Variants in KIF3A observed in about 807,000 individuals in gnomAD.
The protein encoded by KIF3A is kinesin-like protein KIF3A.
In KIF3A, 27 loss-of-function variants were observed where a neutral mutation model predicts 92.6. The ratio of observed to expected loss-of-function variants is 0.29; its 90% CI spans 0.21 to 0.40. The LOEUF is 0.40. Among genes scored for constraint, KIF3A ranks in the 10% least tolerant of loss-of-function variants. The pLI is 1.00. For synonymous variants in KIF3A, 250 were observed against 275.4 expected, an observed-to-expected ratio of 0.91 and a Z score of 0.92; for missense variants, 581 against 872.6, an observed-to-expected ratio of 0.67 and a Z score of 4.21.
intron 18 of KIF3A, chr5:132,698,088 C>T (rs1187907017): frequency 6.6e-6 from 1 of 152,162 alleles, no homozygotes; most frequent in Non-Finnish European, 1.5e-5. Flanking sequence ...TAATATTCAA[C>T]TGTTTGCCCA....
chr5:132,704,281 T>A (rs1033149987), intron 11 of KIF3A, among the ~76,000 whole-genome samples: 33 of 152,064 alleles, frequency 2.2e-4, no homozygotes, highest in African/African-American at 7.9e-4. Flanking sequence ...CATTTCACAG[T>A]TGCTGAGCTG....
At position 132,720,716 on chromosome 5, in the gene KIF3A, T is replaced by A; in HGVS notation, c.511-2A>T. The A allele has an allele frequency of 6.5e-7, 1 of 1,527,296 alleles. No homozygotes were observed. Among genetic ancestry groups the A allele is most frequent in the Non-Finnish European group, 9.0e-7 (1 of 1,113,864 alleles). 94.6% of individuals were successfully genotyped at this position (1,527,296 alleles called of 1,614,324 possible). On this transcript the variant is annotated splice_acceptor_variant, in intron 4 of 18. Transcript: ENST00000403231. LOFTEE classifies it high-confidence loss of function. The stretch of plus-strand genomic sequence containing the variant: ...TCCCACATCAGGTCTTTCTTTAACC[T>A]AAAAAAAAATTAAGACTTTATACTA...
At position 132,734,478 on chromosome 5, in the gene KIF3A, T is replaced by C. The variant is rs375949325; in HGVS notation, c.7A>G (p.Ile3Val). Residue 3 changes from isoleucine to valine, a missense_variant and splice_region_variant, in exon 2 of 19, where the codon ATC becomes GTC. Coordinates refer to ENST00000403231, the MANE Select transcript of KIF3A (RefSeq NM_001300791.2). ...CTTTCTGGCTTCTCTGATTTATTGA[T>C]CTGTTGGAGATAATATTTACAAATA... MP[I>V]NKSEKPESCD... is the part of the protein sequence containing the mutation. 6.8e-6 allele frequency: 11 copies of C among 1,607,696 alleles called. No homozygotes were observed. In the African/African-American group the frequency reaches 1.5e-4, roughly 22 times the overall value.
rs1317240697 is a variant in KIF3A, at chr5:132,720,653, T to C, written c.572A>G (p.Asn191Ser). The stretch of plus-strand genomic sequence containing the variant: ...CATAATTCTATCCATATCATCAGCA[T>C]TATTTACCACATAAGCTGATAAATC... The part of the protein sequence containing the change: ...IKDLSAYVVN[N>S]ADDMDRIMTL... The change falls in exon 5 of 19, where the codon AAT becomes AGT. Residue 191 changes from asparagine to serine, a missense_variant. Coordinates refer to ENST00000403231, the MANE Select transcript of KIF3A (RefSeq NM_001300791.2). 1 of 1,612,442 alleles carries C rather than the reference T, an allele frequency of 6.2e-7. No individual in the cohort carries two copies. Among genetic ancestry groups the C allele is most frequent in the Non-Finnish European group, 8.5e-7 (1 of 1,178,894 alleles).
intron 4 of KIF3A, 56 bp from the exon 5 acceptor site, chr5:132,720,770 T>C: frequency 3.1e-6 from 3 of 979,346 alleles, no homozygotes; most frequent in South Asian, 3.0e-5. Context: ...AATTATTTAT[T>C]GAGTATCTCC....
chr5:132,731,317 A>G (rs1052044306), intron 2 of KIF3A, among the ~76,000 whole-genome samples: 1 of 152,254 alleles, frequency 6.6e-6, no homozygotes, highest in African/African-American at 2.4e-5. Context: ...AGAATAATGC[A>G]TCATGACCAA....
intron 12 of KIF3A, among the ~76,000 whole-genome samples, 189 bp from the exon 13 acceptor site, chr5:132,703,254 A>G (rs1317428466): frequency 6.6e-6 from 1 of 152,132 alleles, no homozygotes; most frequent in African/African-American, 2.4e-5. Context: ...TAATTCATTG[A>G]TATGTTTTCC....
At chr5:132,719,566 A>G (rs1000966316) in intron 5 of KIF3A, among the ~76,000 whole-genome samples, 1 of 150,782 alleles carries the variant, frequency 6.6e-6, no homozygotes, top group East Asian at 2.0e-4. Context: ...ATCTCGGCTC[A>G]CTGCAACTTC....
intron 1 of KIF3A, among the ~76,000 whole-genome samples, chr5:132,735,000 T>G (rs1383550417): frequency 6.6e-6 from 1 of 152,228 alleles, no homozygotes; most frequent in Non-Finnish European, 1.5e-5. Context: ...AATGAAAGTC[T>G]AATGGCAAAG....
rs1188869657 is a variant in KIF3A, at chr5:132,726,202, G to A, written c.436C>T (p.Arg146Ter). 6.2e-7 allele frequency: 1 copy of A among 1,608,634 alleles called. No homozygotes were observed. The highest frequency in any genetic ancestry group is 8.5e-7 in the Non-Finnish European group (1 of 1,177,630). Reference sequence around the variant, plus strand: ...TTATATATTTCCAAATAAGACACTCGAACCAAAAATCTATAAAACATCATT... The same window carrying A: ...TTATATATTTCCAAATAAGACACTCAAACCAAAAATCTATAAAACATCATT... ...KAEGDTRFLVRVSYLEIYNEE... is the reference protein window; with the variant it reads ...KAEGDTRFLV Residue 146 changes from arginine to a stop codon, truncating the protein, a stop_gained, in exon 4 of 19, where the codon CGA (arginine) becomes TGA (stop). Transcript: ENST00000403231. LOFTEE classifies it high-confidence loss of function.
chr5:132,696,815 A>C, intron 18 of KIF3A, 133 bp from the exon 19 acceptor site: 1 of 636,778 alleles, frequency 1.6e-6, no homozygotes, highest in Non-Finnish European at 2.8e-6. Flanking sequence ...ACGTTTGACC[A>C]TGGTAAGTGT....
At position 132,700,287 on chromosome 5, in the gene KIF3A, C is replaced by CA. The variant is rs796705048; in HGVS notation, c.1939-4dup. The CA allele has an allele frequency of 3.2e-6, 5 of 1,568,246 alleles. No homozygotes were observed. Among genetic ancestry groups the CA allele is most frequent in the Non-Finnish European group, 4.3e-6 (5 of 1,151,064 alleles). On this transcript the variant is annotated splice_polypyrimidine_tract_variant and splice_region_variant and intron_variant, in intron 16 of 18. Transcript: ENST00000403231. ...TTTCCTGTATAAGCAACACATTTCT[C>CA]AAAAAAAGAAAAGGGAGAGACAGAG...
At chr5:132,688,957 T>C (rs1271381187), downstream of KIF3A, among the ~76,000 whole-genome samples, 3 of 152,168 alleles carry the variant, frequency 2.0e-5, no homozygotes, top group African/African-American at 4.8e-5. Flanking sequence ...GAGAGGAATA[T>C]CTGATCTGTC....
At chr5:132,701,502 C>CAAAAA (rs5871462) in intron 15 of KIF3A, among the ~76,000 whole-genome samples, 9 of 101,146 alleles carry the variant, frequency 8.9e-5, no homozygotes, top group Non-Finnish European at 1.0e-4. Context: ...GTCTCCCTGA[C>CAAAAA]AAAAAAAAAA....
chr5:132,702,987 G>A lies in KIF3A; in HGVS notation c.1545C>T (p.Ala515=). 2 of 1,612,048 alleles carry A rather than the reference G, an allele frequency of 1.2e-6. No homozygotes were observed. The highest frequency in any genetic ancestry group is 1.7e-6 in the Non-Finnish European group (2 of 1,179,412). The change falls in exon 13 of 19, where the codon GCC becomes GCT. Residue 515 remains alanine, a synonymous_variant. Transcript: ENST00000403231. ...KVIVGGVDLL[A]KAEEQEKLLE... ...GAAGTTTCTCTTGTTCCTCAGCTTT[G>A]GCCAACAAGTCAACCCCACCAACAA...
chr5:132,731,036 G>A lies in KIF3A; in HGVS notation c.280+3169C>T, dbSNP rs138145852. On this transcript the variant is annotated intron_variant, in intron 2 of 18. Transcript: ENST00000403231. Reference sequence around the variant, plus strand: ...GTCTATTAAAGAAATTGAATCAATAGTTGAAAACCTTCCCACAAAGAAAAC... The same window carrying A: ...GTCTATTAAAGAAATTGAATCAATAATTGAAAACCTTCCCACAAAGAAAAC... Among the ~76,000 whole-genome samples the A allele has an allele frequency of 4.4e-3, 664 of 152,232 alleles. 10 individuals are homozygous for A. Among genetic ancestry groups the A allele is most frequent in the African/African-American group, 0.015 (628 of 41,562 alleles).
intron 8 of KIF3A, among the ~76,000 whole-genome samples, chr5:132,712,834 G>GTC (rs1325937544): frequency 6.6e-6 from 1 of 152,206 alleles, no homozygotes; most frequent in Non-Finnish European, 1.5e-5. Flanking sequence ...GAATTAGACT[G>GTC]AAGAACAAGT....
At chr5:132,727,191 C>T (rs1164469760) in intron 2 of KIF3A, among the ~76,000 whole-genome samples, 3 of 152,208 alleles carry the variant, frequency 2.0e-5, no homozygotes, top group Non-Finnish European at 4.4e-5. Flanking sequence ...TCTCAACTTT[C>T]TAAATACCCA....
In KIF3A at chr5:132,737,460, G is replaced by A. The variant is rs1170053395; in HGVS notation, c.-41C>T. On this transcript the variant is annotated 5_prime_UTR_variant, in exon 1 of 19. Transcript: ENST00000403231. The stretch of plus-strand genomic sequence containing the variant: ...TGCCCGGCGGACGTCCCCGCCCGGG[G>A]TGCAGCCCAGCGACACCGGGTGCGC... The A allele has an allele frequency of 6.3e-7, 1 of 1,599,328 alleles. No individual in the cohort carries two copies. The highest frequency in any genetic ancestry group is 1.3e-5 in the African/African-American group (1 of 74,090).
Sources: allele counts gnomAD v4.1 joint callset (sites outside exome capture counted in the v4.1 genomes callset), GRCh38; gene constraint gnomAD v4.1.1; transcripts MANE v1.5; gene names NCBI Gene and HGNC (gene_info 2026-07-23, HGNC 2026-07-21).